Variants in SYT9 observed in about 807,000 individuals in gnomAD.
SYT9 encodes synaptotagmin 9, also known as synaptotagmin-9.
In SYT9, 22 loss-of-function variants were observed where a neutral mutation model predicts 48.4. The ratio of observed to expected loss-of-function variants is 0.45; its 90% CI spans 0.32 to 0.65. The LOEUF (loss-of-function observed/expected upper bound fraction) is 0.65. SYT9 is among the 30% of genes least tolerant of loss of function. The probability of loss-of-function intolerance (pLI) is 0.03; values close to 1 mark genes in which losing one functional copy is unlikely to be tolerated. For synonymous variants in SYT9, 265 were observed against 245.0 expected, an observed-to-expected ratio of 1.08 and a Z score of -0.76; for missense variants, 577 against 622.0, an observed-to-expected ratio of 0.93 and a Z score of 0.77.
At chr11:7,247,302 C>G (rs1018410606), upstream of SYT9, among the ~76,000 whole-genome samples, 9 of 151,830 alleles carry the variant, frequency 5.9e-5, no homozygotes, top group Admixed American at 5.3e-4. Context: ...ATTCTTATGT[C>G]TTTGCATCCT....
At chr11:7,307,170 A>G (rs971803729) in intron 2 of SYT9, among the ~76,000 whole-genome samples, 7 of 152,250 alleles carry the variant, frequency 4.6e-5, no homozygotes, top group African/African-American at 1.7e-4. Context: ...ATATGCTGAC[A>G]GAATTGAAAG....
At chr11:7,422,369 C>T (rs759692012) in intron 6 of SYT9, among the ~76,000 whole-genome samples, 3 of 152,142 alleles carry the variant, frequency 2.0e-5, no homozygotes, top group Non-Finnish European at 2.9e-5. Context: ...TAGTTCTGCC[C>T]GTGGGCCATA....
Position 7,302,936 on chromosome 11 carries a change from T to A in SYT9, c.146-103T>A, listed in dbSNP as rs1222679986. 6 of 1,084,100 alleles carry A rather than the reference T, an allele frequency of 5.5e-6. No homozygotes were observed. In the East Asian group the frequency reaches 1.4e-4, roughly 26 times the overall value. The allele number at this position is 1,084,100 out of a possible 1,614,324, so 67.2% of individuals were successfully genotyped here. On this transcript the variant is annotated intron_variant, in intron 1 of 6. Coordinates refer to ENST00000318881, the MANE Select transcript of SYT9 (RefSeq NM_175733.4). ...CCCAGCATGGCCTTCCGCAGTCGGC[T>A]CCCAAGGGATGAGTGGATGAGAGGG...
At chr11:7,356,316 G>A (rs1564874383) in intron 3 of SYT9, among the ~76,000 whole-genome samples, 1 of 152,144 alleles carries the variant, frequency 6.6e-6, no homozygotes, top group African/African-American at 2.4e-5. Context: ...TTTGAAATGC[G>A]GACATTCAGC....
chr11:7,376,919 T>G (rs1194262517), intron 3 of SYT9, among the ~76,000 whole-genome samples: 1 of 151,696 alleles, frequency 6.6e-6, no homozygotes, highest in Non-Finnish European at 1.5e-5. Flanking sequence ...ATGTGATCAT[T>G]CCCTGCAGCC....
Position 7,239,599 on chromosome 11 carries a change from T to C in SYT9, c.49+683T>C, listed in dbSNP as rs139110845. ...TGGCTACATTAAAAAATATAGGGCT[T>C]TTCTGTAGACTAATAGATACTGAGT... On this transcript the variant is annotated intron_variant and NMD_transcript_variant, in intron 1 of 8. Coordinates refer to the SYT9 transcript ENST00000524820. 3.1e-3 allele frequency among the ~76,000 whole-genome samples: 468 copies of C among 152,256 alleles called. 2 individuals carry two copies. The highest frequency in any genetic ancestry group is 9.9e-3 in the African/African-American group (411 of 41,538).
At chr11:7,398,407 C>A (rs1020702917) in intron 3 of SYT9, among the ~76,000 whole-genome samples, 4 of 111,590 alleles carry the variant, frequency 3.6e-5, no homozygotes, top group Non-Finnish European at 7.2e-5. Context: ...CTACAGTTTT[C>A]TTTTCTTTTT....
At chr11:7,455,753 T>C (rs576388465) in intron 6 of SYT9, among the ~76,000 whole-genome samples, 1 of 152,342 alleles carries the variant, frequency 6.6e-6, no homozygotes, top group East Asian at 1.9e-4. Context: ...AGGCCCCTGC[T>C]TGAGGACTTC....
intron 1 of SYT9, among the ~76,000 whole-genome samples, chr11:7,282,387 G>A (rs1410292763): frequency 1.3e-5 from 2 of 152,126 alleles, no homozygotes; most frequent in Non-Finnish European, 2.9e-5. Flanking sequence ...AAGGGGATGT[G>A]CAACTGATTC....
intron 1 of SYT9, among the ~76,000 whole-genome samples, chr11:7,277,205 G>A (rs1848413386): frequency 6.6e-6 from 1 of 152,160 alleles, no homozygotes; most frequent in South Asian, 2.1e-4. Context: ...GAAACATAGT[G>A]AGGATTTGAT....
intron 6 of SYT9, chr11:7,438,005 C>T (rs1847745118): frequency 6.6e-6 from 1 of 152,186 alleles, no homozygotes; most frequent in Non-Finnish European, 1.5e-5. Context: ...GAATACTACA[C>T]CAAGTGCTGT....
At chr11:7,408,102 T>A (rs1847057686) in intron 3 of SYT9, among the ~76,000 whole-genome samples, 1 of 152,164 alleles carries the variant, frequency 6.6e-6, no homozygotes, top group South Asian at 2.1e-4. Context: ...ATTAAGTCTA[T>A]AGTTGCTTTA....
intron 3 of SYT9, among the ~76,000 whole-genome samples, chr11:7,389,995 T>C (rs1192306911): frequency 6.6e-6 from 1 of 152,196 alleles, no homozygotes; most frequent in African/African-American, 2.4e-5. Context: ...AATACTAATT[T>C]TTATTATACT....
In SYT9 at chr11:7,469,015, T is replaced by C. The variant is rs1848376990; in HGVS notation, c.*2215T>C. 2 of 152,226 alleles carry C rather than the reference T, an allele frequency of 1.3e-5. No individual in the cohort carries two copies. The highest frequency in any genetic ancestry group is 6.5e-5 in the Admixed American group (1 of 15,284). 9.4% of individuals were successfully genotyped at this position (152,226 alleles called of 1,614,324 possible). On this transcript the variant is annotated 3_prime_UTR_variant, in exon 7 of 7. Transcript: ENST00000318881. ...TGCATTCTGTTTGGTTGCCCTTTAG[T>C]TTCCTAGTAAATGCTCCTTTTGAAA...
upstream of SYT9, among the ~76,000 whole-genome samples, chr11:7,250,967 G>A (rs555788015): frequency 6.6e-6 from 1 of 152,208 alleles, no homozygotes; most frequent in African/African-American, 2.4e-5. Context: ...ATGAATTTGA[G>A]CAAGTAACAC....
chr11:7,325,893 C>G (rs1263695589), intron 3 of SYT9, among the ~76,000 whole-genome samples: 7 of 70,466 alleles, frequency 9.9e-5, no homozygotes, highest in Admixed American at 3.1e-4. Flanking sequence ...GTCCTTGGCT[C>G]TGTTTATATG....
chr11:7,307,471 T>C (rs1849053029), intron 2 of SYT9, among the ~76,000 whole-genome samples: 1 of 152,226 alleles, frequency 6.6e-6, no homozygotes, highest in Non-Finnish European at 1.5e-5. Context: ...TCTACTGGGA[T>C]TAAATTATCA....
chr11:7,404,528 A>C (rs1846964199), intron 3 of SYT9, among the ~76,000 whole-genome samples: 1 of 152,314 alleles, frequency 6.6e-6, no homozygotes, highest in East Asian at 1.9e-4. Context: ...TATACTGGCT[A>C]ACTTGAAGTG....
intron 3 of SYT9, among the ~76,000 whole-genome samples, chr11:7,320,720 C>T (rs1849321985): frequency 6.6e-6 from 1 of 152,120 alleles, no homozygotes; most frequent in South Asian, 2.1e-4. Flanking sequence ...AATGTTGGCA[C>T]TCAAATAAAA....
Sources: gnomAD v4.1 joint callset for allele counts (sites outside exome capture counted in the v4.1 genomes callset) on GRCh38, gnomAD v4.1.1 for gene constraint, MANE v1.5 for transcripts, NCBI Gene and HGNC (gene_info 2026-07-23, HGNC 2026-07-21) for gene names.